The following TRAT1 variants were observed in gnomAD, a reference collection of about 807,000 sequenced individuals.
The protein encoded by TRAT1 is T cell receptor associated transmembrane adaptor 1.
TRAT1 carries 20 observed loss-of-function variants against 20.0 expected under a neutral mutation model. The ratio of observed to expected loss-of-function variants is 1.00; its 90% confidence interval spans 0.70 to 1.45. The LOEUF (loss-of-function observed/expected upper bound fraction) is 1.45. Among genes scored for constraint, TRAT1 ranks in the 40% most tolerant of loss-of-function variants. The pLI is 0.00. For synonymous variants in TRAT1, 77 were observed against 74.2 expected, an observed-to-expected ratio of 1.04 and a Z score of -0.20; for missense variants, 237 against 224.1, an observed-to-expected ratio of 1.06 and a Z score of -0.37.
intron 2 of TRAT1, among the ~76,000 whole-genome samples, chr3:108,835,282 T>C (rs912760810): frequency 6.6e-6 from 1 of 152,232 alleles, no homozygotes; most frequent in Admixed American, 6.5e-5. Flanking sequence ...TGCATCTGAA[T>C]CACAGGAGAG....
At chr3:108,824,743 T>C (rs937651879) in intron 1 of TRAT1, among the ~76,000 whole-genome samples, 1 of 152,194 alleles carries the variant, frequency 6.6e-6, no homozygotes, top group Non-Finnish European at 1.5e-5. Flanking sequence ...GTTCATACTT[T>C]AGCAAAGAAC....
In TRAT1 at chr3:108,854,059, A is replaced by T; in HGVS notation, c.*182A>T. ...ATGCATGCCAAATGTAAGGCCATGA[A>T]AATCAGTATTTCAAATAACTTAAAA... On this transcript the variant is annotated 3_prime_UTR_variant, in exon 6 of 6. Transcript: ENST00000295756. 1 of 533,974 alleles carries T rather than the reference A, an allele frequency of 1.9e-6. No individual in the cohort carries two copies. Among genetic ancestry groups the T allele is most frequent in the South Asian group, 4.2e-5 (1 of 24,092 alleles). The allele number at this position is 533,974 out of a possible 1,614,324, so 33.1% of individuals were successfully genotyped here.
At chr3:108,830,134 A>G (rs1046978625) in intron 1 of TRAT1, among the ~76,000 whole-genome samples, 5 of 152,158 alleles carry the variant, frequency 3.3e-5, no homozygotes, top group African/African-American at 9.7e-5. Flanking sequence ...CTTTACATTC[A>G]TGGGGCTCTA....
chr3:108,834,949 T>A (rs1239605587), intron 2 of TRAT1, among the ~76,000 whole-genome samples: 1 of 152,232 alleles, frequency 6.6e-6, no homozygotes, highest in Non-Finnish European at 1.5e-5. Flanking sequence ...TTTAGGAGGA[T>A]TATATTTATT....
intron 2 of TRAT1, among the ~76,000 whole-genome samples, chr3:108,835,634 A>C (rs1945832020): frequency 6.6e-6 from 1 of 152,196 alleles, no homozygotes; most frequent in African/African-American, 2.4e-5. Context: ...ACATCCTAAA[A>C]GTAGCATGGA....
intron 2 of TRAT1, among the ~76,000 whole-genome samples, chr3:108,835,310 T>C (rs1576519927): frequency 6.6e-6 from 1 of 152,384 alleles, no homozygotes; most frequent in Non-Finnish European, 1.5e-5. Flanking sequence ...AGAGCTCACC[T>C]AGTTCTTCCC....
intron 5 of TRAT1, among the ~76,000 whole-genome samples, chr3:108,851,590 A>G (rs1317925329): frequency 2.0e-5 from 3 of 151,074 alleles, no homozygotes; most frequent in Admixed American, 2.0e-4. Context: ...ATGAATCATT[A>G]CTATTTGCCT....
intron 4 of TRAT1, 161 bp downstream of exon 4, chr3:108,847,290 G>T: frequency 2.0e-6 from 1 of 509,204 alleles, no homozygotes; most frequent in Non-Finnish European, 3.5e-6. Flanking sequence ...CATTTCCAAA[G>T]CTGCATATTG....
At chr3:108,833,750 C>G (rs1439623093) in intron 2 of TRAT1, among the ~76,000 whole-genome samples, 3 of 151,404 alleles carry the variant, frequency 2.0e-5, no homozygotes, top group Non-Finnish European at 4.4e-5. Flanking sequence ...GTTTCCTTAT[C>G]TATAAGATGT....
At chr3:108,826,387 G>A (rs1028774127) in intron 1 of TRAT1, among the ~76,000 whole-genome samples, 1 of 152,062 alleles carries the variant, frequency 6.6e-6, no homozygotes, top group African/African-American at 2.4e-5. Flanking sequence ...GACACATAAG[G>A]TCAGTGGATT....
At chr3:108,828,219 T>C (rs868497886) in intron 1 of TRAT1, among the ~76,000 whole-genome samples, 27 of 152,236 alleles carry the variant, frequency 1.8e-4, no homozygotes, top group Admixed American at 7.2e-4. Context: ...CTACATGCTG[T>C]GGCAAGTGGA....
intron 3 of TRAT1, among the ~76,000 whole-genome samples, chr3:108,840,843 A>G (rs1444381861): frequency 2.6e-5 from 4 of 152,254 alleles, no homozygotes; most frequent in Non-Finnish European, 4.4e-5. Context: ...TCTAAGATTC[A>G]TTCAGAGATA....
intron 3 of TRAT1, among the ~76,000 whole-genome samples, chr3:108,842,820 TTAA>T (rs1189635089): frequency 1.3e-5 from 2 of 152,242 alleles, no homozygotes; most frequent in Non-Finnish European, 2.9e-5. Flanking sequence ...CTCATTGTGC[TTAA>T]CAGACTTTAC....
chr3:108,837,277 T>C (rs1017243729), intron 2 of TRAT1, among the ~76,000 whole-genome samples: 1 of 152,216 alleles, frequency 6.6e-6, no homozygotes, highest in African/African-American at 2.4e-5. Flanking sequence ...TCTGACATAT[T>C]CCAAATGGAA....
At chr3:108,839,111 T>C in intron 3 of TRAT1, 144 bp downstream of exon 3, 2 of 651,678 alleles carry the variant, frequency 3.1e-6, no homozygotes, top group Non-Finnish European at 2.7e-6. Flanking sequence ...TTTACTCTCA[T>C]CTAAAGATCA....
chr3:108,836,734 G>A (rs1945845702), intron 2 of TRAT1, among the ~76,000 whole-genome samples: 1 of 152,208 alleles, frequency 6.6e-6, no homozygotes, highest in Admixed American at 6.5e-5. Context: ...ACTCTGTGAT[G>A]TAGGCATTAT....
intron 5 of TRAT1, among the ~76,000 whole-genome samples, chr3:108,852,295 C>A (rs1221442116): frequency 1.3e-5 from 2 of 152,096 alleles, no homozygotes; most frequent in African/African-American, 4.8e-5. Context: ...GCAGGAGAAT[C>A]ACTTGAACCT....
intron 5 of TRAT1, among the ~76,000 whole-genome samples, chr3:108,853,122 A>G (rs1187603363): frequency 6.6e-6 from 1 of 152,214 alleles, no homozygotes; most frequent in Non-Finnish European, 1.5e-5. Context: ...GAATATTGTT[A>G]TCTTTATACT....
rs766885029 is a variant in TRAT1 at position 108,853,837 on chromosome 3, T to C, written c.521T>C (p.Leu174Pro). ...EENIHDDPIR[L>P]FGLIRAKREP... ...AACATTCATGATGATCCCATCAGAC[T>C]GTTTGGATTGATCCGTGCTAAGAGA... is the stretch of plus-strand genomic sequence containing the variant. The change falls in exon 6 of 6, where the codon CTG (leucine) becomes CCG (proline). Residue 174 changes from leucine to proline, a missense_variant. By Grantham distance (98) the Leu-to-Pro change is moderately conservative (BLOSUM62 -3). Transcript: ENST00000295756. The C allele has an allele frequency of 6.2e-7, 1 of 1,614,102 alleles. No homozygotes were observed. The highest frequency in any genetic ancestry group is 8.5e-7 in the Non-Finnish European group (1 of 1,179,942).
Sources: gnomAD v4.1 joint callset for allele counts (sites outside exome capture counted in the v4.1 genomes callset) on GRCh38, gnomAD v4.1.1 for gene constraint, MANE v1.5 for transcripts, NCBI Gene and HGNC (gene_info 2026-07-23, HGNC 2026-07-21) for gene names.